MYOM2: variants seen among roughly 807,000 people sequenced by gnomAD.
The protein encoded by MYOM2 is myomesin 2, also known as myomesin-2.
In MYOM2, 254 loss-of-function variants were observed where a neutral mutation model predicts 187.6. That is an observed-to-expected ratio of 1.35 (90% CI 1.22 to 1.50). The LOEUF (loss-of-function observed/expected upper bound fraction) is 1.50. Ranked by LOEUF, MYOM2 falls within the 40% of genes most tolerant of loss-of-function variation. The pLI, the probability that MYOM2 is intolerant of heterozygous loss-of-function variation, is 0.00. For synonymous variants in MYOM2, 981 were observed against 753.8 expected, an observed-to-expected ratio of 1.30 and a Z score of -4.94; for missense variants, 2,796 against 1,924.0, an observed-to-expected ratio of 1.45 and a Z score of -8.48.
intron 21 of MYOM2, among the ~76,000 whole-genome samples, chr8:2,104,617 GA>G (rs1044799708): frequency 5.8e-4 from 86 of 149,134 alleles, no homozygotes; most frequent in South Asian, 1.1e-3. Context: ...AAAAAAAAAA[GA>G]AAAAAAAAGT....
chr8:2,048,851 G>A (rs529359068), intron 1 of MYOM2, among the ~76,000 whole-genome samples: 7 of 151,030 alleles, frequency 4.6e-5, no homozygotes, highest in Non-Finnish European at 8.8e-5. Context: ...ATGCAGTGGC[G>A]CGATCTCGGC....
chr8:2,142,462 T>G (rs1233617494), intron 35 of MYOM2, 65 bp downstream of exon 35: 1 of 1,546,068 alleles, frequency 6.5e-7, no homozygotes, highest in Admixed American at 1.7e-5. Context: ...AGTGTCCATA[T>G]TTTGGAGGAC....
chr8:2,101,795 T>C (rs1796719302), intron 20 of MYOM2, among the ~76,000 whole-genome samples: 1 of 152,212 alleles, frequency 6.6e-6, no homozygotes, highest in Non-Finnish European at 1.5e-5. Context: ...CTAAAGTCCA[T>C]TTGATAAGCA....
At chr8:2,093,703 C>A (rs1796383781) in intron 16 of MYOM2, among the ~76,000 whole-genome samples, 1 of 152,108 alleles carries the variant, frequency 6.6e-6, no homozygotes, top group South Asian at 2.1e-4. Context: ...ACCTCTGATC[C>A]AGAGGAGGCC....
intron 5 of MYOM2, 83 bp downstream of exon 5, chr8:2,057,863 A>G: frequency 6.8e-7 from 1 of 1,480,438 alleles, no homozygotes; most frequent in Non-Finnish European, 9.2e-7. Context: ...GACAAACGCC[A>G]TTGAACCTGT....
chr8:2,127,821 C>A (rs1797709932), intron 31 of MYOM2: 1 of 156,880 alleles, frequency 6.4e-6, no homozygotes, highest in Admixed American at 6.5e-5. Flanking sequence ...GCTTCACGCA[C>A]ACCATCTCTT....
intron 10 of MYOM2, among the ~76,000 whole-genome samples, chr8:2,074,826 C>T (rs989317535): frequency 1.3e-5 from 2 of 152,196 alleles, no homozygotes; most frequent in African/African-American, 2.4e-5. Context: ...CCTCAGCAGC[C>T]TCTGGGTTTA....
intron 31 of MYOM2, among the ~76,000 whole-genome samples, chr8:2,126,252 A>G (rs557470563): frequency 7.3e-4 from 111 of 152,302 alleles, no homozygotes; most frequent in African/African-American, 2.5e-3. Flanking sequence ...AGAACTTCCC[A>G]TATCAATAGG....
At chr8:2,106,202 C>A in intron 21 of MYOM2, 40 bp from the exon 22 acceptor site, 1 of 1,593,248 alleles carries the variant, frequency 6.3e-7, no homozygotes, top group Non-Finnish European at 8.6e-7. Context: ...GAAAGAACAC[C>A]GTGTCCCTAA....
chr8:2,090,026 A>G lies in MYOM2; in HGVS notation c.1663A>G (p.Ser555Gly). 6.2e-7 allele frequency: 1 copy of G among 1,613,768 alleles called. No individual in the cohort carries two copies. Among genetic ancestry groups the G allele is most frequent in the Non-Finnish European group, 8.5e-7 (1 of 1,179,872 alleles). Residue 555 changes from serine (S) to glycine (G), a missense_variant, in exon 15 of 37, where the codon AGC (serine) becomes GGC (glycine). Transcript: ENST00000262113. The part of the protein sequence containing the change: ...FIEKSVVGSG[S>G]WQRVNAQTAV... Reference sequence around the variant, plus strand: ...TTTGTAGTCCGTGGTGGGGAGCGGCAGCTGGCAGAGAGTCAACGCCCAGAC... The same window carrying G: ...TTTGTAGTCCGTGGTGGGGAGCGGCGGCTGGCAGAGAGTCAACGCCCAGAC...
At chr8:2,117,700 C>G (rs1287836897) in intron 27 of MYOM2, among the ~76,000 whole-genome samples, 185 bp from the exon 28 acceptor site, 4 of 152,080 alleles carry the variant, frequency 2.6e-5, no homozygotes, top group Non-Finnish European at 5.9e-5. Flanking sequence ...AAAACTATCT[C>G]AGTTTCATCC....
chr8:2,074,025 C>T (rs1563432516), intron 10 of MYOM2, among the ~76,000 whole-genome samples: 1 of 152,226 alleles, frequency 6.6e-6, no homozygotes, highest in Non-Finnish European at 1.5e-5. Context: ...CAGCTGTCAT[C>T]ACCAGACGCT....
At chr8:2,088,626 T>C (rs1156463666) in intron 14 of MYOM2, among the ~76,000 whole-genome samples, 1 of 152,216 alleles carries the variant, frequency 6.6e-6, no homozygotes, top group Admixed American at 6.5e-5. Flanking sequence ...GGCTGTGTAG[T>C]ATTCCATGGT....
At chr8:2,054,036 C>A (rs758860599) in intron 3 of MYOM2, among the ~76,000 whole-genome samples, 2 of 152,150 alleles carry the variant, frequency 1.3e-5, no homozygotes, top group Non-Finnish European at 2.9e-5. Flanking sequence ...GATGAGTGAG[C>A]CCCGTGCTGA....
chr8:2,123,768 C>A, intron 30 of MYOM2, 126 bp downstream of exon 30: 1 of 784,112 alleles, frequency 1.3e-6, no homozygotes, highest in Non-Finnish European at 2.1e-6. Context: ...AGCAGTAACA[C>A]TGTAGAAAAA....
chr8:2,052,160 G>A lies in MYOM2; in HGVS notation c.110G>A (p.Arg37Gln), dbSNP rs1376046637. 3.1e-6 allele frequency: 5 copies of A among 1,613,056 alleles called. No individual in the cohort carries two copies. The highest frequency in any genetic ancestry group is 2.2e-5 in the East Asian group (1 of 44,836). Residue 37 changes from arginine (R) to glutamine (Q), a missense_variant and splice_region_variant, in exon 3 of 37, where the codon CGA becomes CAA. Transcript: ENST00000262113. Reference protein sequence around the residue: ...YLLDEYASKKRASTQASSQKS... With the variant: ...YLLDEYASKKQASTQASSQKS... ...TAATCGTGTCCATGTTCCTGAAGGC[G>A]AGCTTCCACCCAGGCATCTTCCCAG...
chr8:2,084,932 C>A (rs961693055), intron 13 of MYOM2: 1 of 300,932 alleles, frequency 3.3e-6, no homozygotes, highest in Admixed American at 4.7e-5. Flanking sequence ...AGATTCCCAA[C>A]ACAGTCAGAG....
At chr8:2,105,689 T>A (rs976112200) in intron 21 of MYOM2, among the ~76,000 whole-genome samples, 5 of 152,058 alleles carry the variant, frequency 3.3e-5, no homozygotes, top group African/African-American at 1.2e-4. Context: ...TAAAAAAAAT[T>A]AGCAACAACA....
intron 3 of MYOM2, among the ~76,000 whole-genome samples, chr8:2,055,692 C>A (rs151109528): frequency 2.6e-5 from 4 of 152,170 alleles, no homozygotes; most frequent in Admixed American, 1.3e-4. Flanking sequence ...TAGTCTTAAT[C>A]GCTGCTGGGG....
Sources: allele counts gnomAD v4.1 joint callset (sites outside exome capture counted in the v4.1 genomes callset), GRCh38; gene constraint gnomAD v4.1.1; transcripts MANE v1.5; gene names NCBI Gene and HGNC (gene_info 2026-07-23, HGNC 2026-07-21).